AFF1: variants seen among roughly 807,000 people sequenced by gnomAD.
AFF1 encodes ALF transcription elongation factor 1.
In AFF1, 48 loss-of-function variants were observed where a neutral mutation model predicts 121.7. That is an observed-to-expected ratio of 0.39 (90% CI 0.31 to 0.50). The LOEUF (loss-of-function observed/expected upper bound fraction) is 0.50, where lower values mean the gene tolerates loss of function less well. AFF1 is among the 20% of genes least tolerant of loss of function. The pLI is 0.76. For synonymous variants in AFF1, 613 were observed against 563.0 expected, an observed-to-expected ratio of 1.09 and a Z score of -1.26; for missense variants, 1,523 against 1,511.7, an observed-to-expected ratio of 1.01 and a Z score of -0.12.
At chr4:87,005,429 T>A (rs1448936476) in intron 2 of AFF1, among the ~76,000 whole-genome samples, 1 of 152,242 alleles carries the variant, frequency 6.6e-6, no homozygotes, top group African/African-American at 2.4e-5. Flanking sequence ...GCAAAAAGTC[T>A]TCCAAAATGC....
chr4:87,000,640 T>TGG (rs1725628645), intron 2 of AFF1, among the ~76,000 whole-genome samples: 1 of 148,856 alleles, frequency 6.7e-6, no homozygotes, highest in African/African-American at 2.5e-5. Flanking sequence ...TGTGTGTGTG[T>TGG]GGCAGAGGAA....
At position 87,140,381 on chromosome 4, in the gene AFF1, C is replaced by T. The variant is rs1204962476; in HGVS notation, c.*4680C>T. 1 of 192,760 alleles carries T rather than the reference C, an allele frequency of 5.2e-6. No individual in the cohort carries two copies. Among genetic ancestry groups the T allele is most frequent in the East Asian group, 8.1e-5 (1 of 12,316 alleles). 11.9% of individuals were successfully genotyped at this position (192,760 alleles called of 1,614,324 possible). A position where few individuals can be genotyped will look rare whatever the true frequency, so the allele number is the denominator to read the frequency against. ...TGTGTGTATGTACGCACGCATGTGT[C>T]CCAAATCTTGTTTTAATTTTTTTTT... On this transcript the variant is annotated 3_prime_UTR_variant, in exon 21 of 21. Transcript: ENST00000395146.
chr4:87,102,606 A>T (rs1264132598), intron 8 of AFF1, among the ~76,000 whole-genome samples: 1 of 152,196 alleles, frequency 6.6e-6, no homozygotes, highest in Non-Finnish European at 1.5e-5. Flanking sequence ...GCTACATGAT[A>T]CTGTTATTCA....
At chr4:87,131,433 C>T (rs545991178) in intron 17 of AFF1, among the ~76,000 whole-genome samples, 40 of 152,322 alleles carry the variant, frequency 2.6e-4, no homozygotes, top group African/African-American at 7.9e-4. Flanking sequence ...TTGCTAAGTG[C>T]GCCAAGAAGT....
chr4:87,015,336 TAGGC>T (rs939455105), intron 2 of AFF1, among the ~76,000 whole-genome samples: 5 of 152,158 alleles, frequency 3.3e-5, no homozygotes, highest in African/African-American at 1.2e-4. Context: ...GGGGAAAAAT[TAGGC>T]AGTAACATTT....
chr4:87,124,987 C>T (rs373092243), intron 12 of AFF1, 50 bp from the exon 13 acceptor site: 48 of 1,436,580 alleles, frequency 3.3e-5, no homozygotes, highest in Non-Finnish European at 4.1e-5. Context: ...TCTGTTTTGT[C>T]TGTACAATTA....
At chr4:87,024,231 A>G (rs953014919) in intron 2 of AFF1, among the ~76,000 whole-genome samples, 8 of 152,222 alleles carry the variant, frequency 5.3e-5, no homozygotes, top group African/African-American at 1.7e-4. Context: ...CCATGTGGCC[A>G]GTGACCCATG....
intron 1 of AFF1, among the ~76,000 whole-genome samples, chr4:86,937,557 A>T (rs909164037): frequency 1.3e-5 from 2 of 152,146 alleles, no homozygotes; most frequent in African/African-American, 2.4e-5. Context: ...TAAAATACAT[A>T]TATATTTATC....
chr4:87,045,499 A>G (rs1021516567), intron 2 of AFF1, among the ~76,000 whole-genome samples: 1 of 151,130 alleles, frequency 6.6e-6, no homozygotes, highest in Non-Finnish European at 1.5e-5. Flanking sequence ...ATACATTTTT[A>G]TGTGTTTTAA....
intron 2 of AFF1, among the ~76,000 whole-genome samples, chr4:87,034,946 T>G (rs2149589536): frequency 6.6e-6 from 1 of 152,348 alleles, no homozygotes; most frequent in South Asian, 2.1e-4. Flanking sequence ...TTAAGCGCTG[T>G]GCTGGGTAAG....
intron 2 of AFF1, among the ~76,000 whole-genome samples, chr4:86,987,399 T>C (rs1724373125): frequency 6.6e-6 from 1 of 152,156 alleles, no homozygotes; most frequent in Non-Finnish European, 1.5e-5. Flanking sequence ...TTCCAGACCA[T>C]TTGTCCCCTC....
chr4:87,026,236 T>A (rs935138089), intron 2 of AFF1, among the ~76,000 whole-genome samples: 1 of 152,028 alleles, frequency 6.6e-6, no homozygotes, highest in Non-Finnish European at 1.5e-5. Context: ...TAAATAAAAT[T>A]AAAAATTTGC....
chr4:87,044,205 A>G (rs1730443759), intron 2 of AFF1, among the ~76,000 whole-genome samples: 1 of 152,238 alleles, frequency 6.6e-6, no homozygotes, highest in African/African-American at 2.4e-5. Flanking sequence ...TTAAAAGGCT[A>G]TAGAAATACT....
At chr4:86,956,780 C>T (rs895642422) in intron 2 of AFF1, among the ~76,000 whole-genome samples, 4 of 152,164 alleles carry the variant, frequency 2.6e-5, no homozygotes, top group Non-Finnish European at 5.9e-5. Flanking sequence ...AAATAATATT[C>T]CATTGCATAG....
intron 16 of AFF1, among the ~76,000 whole-genome samples, chr4:87,130,044 G>A (rs907025168): frequency 3.3e-5 from 5 of 150,322 alleles, no homozygotes; most frequent in Admixed American, 2.0e-4. Flanking sequence ...GCATGATCTC[G>A]GCTCACCGTA....
At chr4:87,060,998 T>C (rs1005125292) in intron 4 of AFF1, among the ~76,000 whole-genome samples, 3 of 152,184 alleles carry the variant, frequency 2.0e-5, no homozygotes. Flanking sequence ...GTCTTTTATC[T>C]CCCTTATATT....
intron 2 of AFF1, among the ~76,000 whole-genome samples, chr4:87,027,778 T>C (rs2149575497): frequency 6.7e-6 from 1 of 148,776 alleles, no homozygotes; most frequent in South Asian, 2.1e-4. Context: ...TTGTTGTTGC[T>C]GTTGGGTTTT....
At chr4:87,007,318 T>C (rs1190426236) in intron 2 of AFF1, 2 of 1,595,948 alleles carry the variant, frequency 1.3e-6, no homozygotes, top group Non-Finnish European at 1.7e-6. Flanking sequence ...CCCGCCCGGC[T>C]CCGCCAAATG....
At chr4:87,121,832 G>A (rs1215016020) in intron 12 of AFF1, among the ~76,000 whole-genome samples, 4 of 152,208 alleles carry the variant, frequency 2.6e-5, no homozygotes, top group Admixed American at 2.6e-4. Context: ...TTGAGTCACC[G>A]ATTGGCACAG....
Sources: gnomAD v4.1 joint callset for allele counts (sites outside exome capture counted in the v4.1 genomes callset) on GRCh38, gnomAD v4.1.1 for gene constraint, MANE v1.5 for transcripts, NCBI Gene and HGNC (gene_info 2026-07-23, HGNC 2026-07-21) for gene names.